Variants in FHOD3 observed in about 807,000 individuals in gnomAD.
FHOD3 encodes FH1/FH2 domain-containing protein 3.
Under a neutral mutation model 173.0 loss-of-function variants are expected in FHOD3, and 90 were observed. The ratio of observed to expected loss-of-function variants is 0.52; its 90% CI spans 0.44 to 0.62. The LOEUF (loss-of-function observed/expected upper bound fraction) is 0.62. Among genes scored for constraint, FHOD3 ranks in the 20% least tolerant of loss-of-function variants. FHOD3 has a pLI of 0.00. For missense variants in FHOD3, 1,945 were observed against 2,034.7 expected (o/e 0.96, Z 0.85); for synonymous variants, 828 against 823.0 (o/e 1.01, Z -0.10).
chr18:36,475,374 T>G (rs184226375), intron 3 of FHOD3, among the ~76,000 whole-genome samples: 7 of 147,706 alleles, frequency 4.7e-5, no homozygotes, highest in African/African-American at 1.5e-4. Context: ...TGTGATTCCT[T>G]TGGAGATCTC....
At chr18:36,677,828 G>C (rs923118211) in intron 14 of FHOD3, among the ~76,000 whole-genome samples, 1 of 152,162 alleles carries the variant, frequency 6.6e-6, no homozygotes, top group African/African-American at 2.4e-5. Flanking sequence ...TGGAAAAAAA[G>C]AATTGGCATC....
rs564058042 is a variant in FHOD3, at chr18:36,503,895, C to T, written c.405+1896C>T. ...TTGTACTCCAAAAGTAAGGCATGCC[C>T]TTTCTGTTCTACACCTTTGCCCTGG... is the stretch of plus-strand genomic sequence containing the variant. On this transcript the variant is annotated intron_variant, in intron 4 of 28. Coordinates refer to ENST00000590592, the MANE Select transcript of FHOD3 (RefSeq NM_001281740.3). Among the ~76,000 whole-genome samples, 7 of 152,262 alleles carry T rather than the reference C, an allele frequency of 4.6e-5. No homozygotes were observed. The South Asian group carries it at 1.4e-3, about 32-fold the overall frequency.
chr18:36,419,758 A>G (rs889770260), intron 3 of FHOD3, among the ~76,000 whole-genome samples: 1 of 152,174 alleles, frequency 6.6e-6, no homozygotes, highest in African/African-American at 2.4e-5. Flanking sequence ...TTGGGCCAGC[A>G]TTGTCTCATG....
Position 36,400,866 on chromosome 18 carries a change from A to G in FHOD3, c.337+28122A>G, listed in dbSNP as rs367710603. On this transcript the variant is annotated intron_variant, in intron 3 of 28. Transcript: ENST00000590592. ...CCGGAAGCAGAATAAGTGGTCACAAAAGAAAAAAAGGATCAGGATGGTGAA... is the reference window on the plus strand; with the variant it reads ...CCGGAAGCAGAATAAGTGGTCACAAGAGAAAAAAAGGATCAGGATGGTGAA... Among the ~76,000 whole-genome samples the G allele has an allele frequency of 1.5e-3, 235 of 152,354 alleles. 5 individuals are homozygous for G. In the South Asian group the frequency reaches 0.047, roughly 30 times the overall value.
chr18:36,437,944 G>A (rs968989960), intron 3 of FHOD3, among the ~76,000 whole-genome samples: 1 of 152,102 alleles, frequency 6.6e-6, no homozygotes, highest in African/African-American at 2.4e-5. Context: ...TTACAGGCAT[G>A]AGCCACCGCG....
At chr18:36,301,751 G>A (rs2091960836) in intron 1 of FHOD3, among the ~76,000 whole-genome samples, 1 of 152,190 alleles carries the variant, frequency 6.6e-6, no homozygotes, top group African/African-American at 2.4e-5. Context: ...TGTGCTACTG[G>A]CATTTAATGA....
chr18:36,608,138 A>G (rs1474264063), intron 8 of FHOD3, among the ~76,000 whole-genome samples: 1 of 152,204 alleles, frequency 6.6e-6, no homozygotes, highest in Non-Finnish European at 1.5e-5. Flanking sequence ...GCAACAGCCC[A>G]CTTCTCTGTA....
intron 3 of FHOD3, among the ~76,000 whole-genome samples, chr18:36,394,969 T>A (rs990298804): frequency 6.6e-6 from 1 of 152,208 alleles, no homozygotes; most frequent in Non-Finnish European, 1.5e-5. Context: ...GGTTTTTACA[T>A]AGTCTCTTCT....
At chr18:36,506,508 A>C (rs2055306862) in intron 4 of FHOD3, among the ~76,000 whole-genome samples, 1 of 152,226 alleles carries the variant, frequency 6.6e-6, no homozygotes, top group African/African-American at 2.4e-5. Context: ...CTCCTTGTAA[A>C]TATAAAAATT....
At chr18:36,335,563 G>A (rs897548313) in intron 1 of FHOD3, among the ~76,000 whole-genome samples, 8 of 152,170 alleles carry the variant, frequency 5.3e-5, no homozygotes, top group East Asian at 3.9e-4. Flanking sequence ...ATGTTGGGCC[G>A]CATTCAAAGC....
chr18:36,696,744 T>A (rs2149531242), intron 17 of FHOD3, among the ~76,000 whole-genome samples: 1 of 152,328 alleles, frequency 6.6e-6, no homozygotes, highest in Non-Finnish European at 1.5e-5. Context: ...TTGGTGATGA[T>A]GGTCTAAGTA....
chr18:36,345,080 G>A (rs1253065464), intron 1 of FHOD3, among the ~76,000 whole-genome samples: 1 of 152,212 alleles, frequency 6.6e-6, no homozygotes, highest in African/African-American at 2.4e-5. Flanking sequence ...CAGGTAAAGA[G>A]CAGTGAGGAT....
chr18:36,710,187 T>A (rs1376571273), intron 18 of FHOD3: 2 of 152,222 alleles, frequency 1.3e-5, no homozygotes, highest in African/African-American at 4.8e-5. Flanking sequence ...ATAGGAATCG[T>A]GAATAATTCA....
intron 23 of FHOD3, among the ~76,000 whole-genome samples, chr18:36,746,106 T>C (rs2042145502): frequency 6.6e-6 from 1 of 152,106 alleles, no homozygotes; most frequent in Non-Finnish European, 1.5e-5. Flanking sequence ...GTCTGGAAAT[T>C]CTATAAAATC....
chr18:36,595,596 C>T (rs555002679), intron 7 of FHOD3, among the ~76,000 whole-genome samples: 2 of 152,184 alleles, frequency 1.3e-5, no homozygotes, highest in African/African-American at 4.8e-5. Flanking sequence ...CTCTCCAAGT[C>T]GGGGTTGCCT....
intron 25 of FHOD3, among the ~76,000 whole-genome samples, chr18:36,757,916 G>T (rs1204962741): frequency 6.6e-6 from 1 of 152,312 alleles, no homozygotes; most frequent in South Asian, 2.1e-4. Flanking sequence ...ACCCAGGCTG[G>T]TCAATCCCAG....
At chr18:36,478,876 G>C (rs1291382371) in intron 3 of FHOD3, among the ~76,000 whole-genome samples, 1 of 151,890 alleles carries the variant, frequency 6.6e-6, no homozygotes, top group Non-Finnish European at 1.5e-5. Context: ...AAGATACTTT[G>C]TTATTCTGAT....
intron 19 of FHOD3, among the ~76,000 whole-genome samples, chr18:36,730,246 C>G (rs895058326): frequency 6.6e-6 from 1 of 152,194 alleles, no homozygotes; most frequent in Non-Finnish European, 1.5e-5. Context: ...CCAGCTCTCT[C>G]TGGGCACGCA....
At chr18:36,740,889 A>C (rs946101961) in intron 21 of FHOD3, 51 bp downstream of exon 21, 14 of 1,554,590 alleles carry the variant, frequency 9.0e-6, no homozygotes, top group Non-Finnish European at 1.1e-5. Flanking sequence ...AGTGTTGAGA[A>C]AGGCAGTTTT....
Sources: allele counts gnomAD v4.1 joint callset (sites outside exome capture counted in the v4.1 genomes callset), GRCh38; gene constraint gnomAD v4.1.1; transcripts MANE v1.5; gene names NCBI Gene and HGNC (gene_info 2026-07-23, HGNC 2026-07-21).